The following PTK2B variants were observed in gnomAD, a reference collection of about 807,000 sequenced individuals.
PTK2B encodes the protein protein-tyrosine kinase 2-beta.
A neutral mutation model predicts 142.9 loss-of-function variants in PTK2B; 71 were observed. The observed-to-expected ratio is 0.50, with a 90% CI of 0.41 to 0.61. The LOEUF (loss-of-function observed/expected upper bound fraction) is 0.61. Ranked by LOEUF, PTK2B falls within the 20% of genes least tolerant of loss-of-function variation. The probability of loss-of-function intolerance (pLI) is 0.00; values close to 1 mark genes in which losing one functional copy is unlikely to be tolerated. For synonymous variants in PTK2B, 519 were observed against 503.4 expected (o/e 1.03, Z -0.42); for missense variants, 1,105 against 1,320.4 (o/e 0.84, Z 2.53).
intron 2 of PTK2B, among the ~76,000 whole-genome samples, chr8:27,405,272 C>T (rs1008059621): frequency 6.6e-6 from 1 of 152,076 alleles, no homozygotes; most frequent in African/African-American, 2.4e-5. Flanking sequence ...GTTCCCTGTG[C>T]CTGGAAGAGC....
intron 1 of PTK2B, among the ~76,000 whole-genome samples, chr8:27,385,765 C>T (rs910491806): frequency 1.3e-5 from 2 of 151,752 alleles, no homozygotes; most frequent in Non-Finnish European, 2.9e-5. Flanking sequence ...TGGGGGCGGG[C>T]ACCTATAATC....
intron 1 of PTK2B, among the ~76,000 whole-genome samples, chr8:27,337,734 GT>G (rs1410291044): frequency 6.6e-6 from 1 of 152,216 alleles, no homozygotes. Context: ...ACATTTTGTT[GT>G]GTGGATATGC....
intron 21 of PTK2B, among the ~76,000 whole-genome samples, chr8:27,440,936 C>A (rs527793943): frequency 6.6e-6 from 1 of 152,150 alleles, no homozygotes; most frequent in South Asian, 2.1e-4. Context: ...GCCATGATTC[C>A]CTAGGTCTGG....
intron 24 of PTK2B, among the ~76,000 whole-genome samples, 188 bp from the exon 25 acceptor site, chr8:27,450,561 T>C (rs1811739451): frequency 6.6e-6 from 1 of 152,160 alleles, no homozygotes; most frequent in South Asian, 2.1e-4. Flanking sequence ...CGCAGATACA[T>C]GCTCGGGGCT....
At chr8:27,322,143 A>G (rs575860257), upstream of PTK2B, among the ~76,000 whole-genome samples, 10 of 152,126 alleles carry the variant, frequency 6.6e-5, no homozygotes, top group Non-Finnish European at 1.0e-4. Context: ...GGCATACACC[A>G]CTATGCCCAG....
intron 18 of PTK2B, 181 bp downstream of exon 18, chr8:27,438,061 C>T (rs965825977): frequency 5.0e-6 from 3 of 602,850 alleles, no homozygotes; most frequent in African/African-American, 3.7e-5. Flanking sequence ...TGTAAAGTTG[C>T]AGGCACTGTA....
At chr8:27,454,831 C>G (rs773475401) in intron 30 of PTK2B, among the ~76,000 whole-genome samples, 11 of 152,154 alleles carry the variant, frequency 7.2e-5, no homozygotes, top group Non-Finnish European at 1.0e-4. Flanking sequence ...GTTCAGGTCT[C>G]CAGATGACGG....
chr8:27,421,468 C>T (rs1809749094), intron 4 of PTK2B, among the ~76,000 whole-genome samples: 1 of 152,198 alleles, frequency 6.6e-6, no homozygotes, highest in Non-Finnish European at 1.5e-5. Flanking sequence ...CACCCCTTCC[C>T]ACTCTTTCCC....
At chr8:27,439,589 A>G (rs1009149481) in intron 20 of PTK2B, among the ~76,000 whole-genome samples, 191 bp downstream of exon 20, 6 of 152,048 alleles carry the variant, frequency 3.9e-5, no homozygotes, top group African/African-American at 1.4e-4. Flanking sequence ...GACCCAGGCT[A>G]AGGACTGGCC....
chr8:27,387,841 A>G (rs906484327), intron 1 of PTK2B, among the ~76,000 whole-genome samples: 1 of 149,244 alleles, frequency 6.7e-6, no homozygotes, highest in African/African-American at 2.5e-5. Flanking sequence ...TTAAATCTAC[A>G]TGAAGAATGG....
chr8:27,430,318 G>A (rs1021429603), intron 6 of PTK2B, 46 bp from the exon 7 acceptor site: 14 of 1,612,500 alleles, frequency 8.7e-6, no homozygotes, highest in Non-Finnish European at 1.2e-5. Flanking sequence ...GTCCTGTGGT[G>A]GGGGTGAGGG....
intron 24 of PTK2B, among the ~76,000 whole-genome samples, chr8:27,447,351 C>A (rs1175409032): frequency 1.3e-5 from 2 of 152,230 alleles, no homozygotes; most frequent in African/African-American, 2.4e-5. Context: ...CTGAGAAAGT[C>A]TCTTCCAGGT....
intron 1 of PTK2B, among the ~76,000 whole-genome samples, chr8:27,340,577 G>A (rs1395759729): frequency 6.6e-6 from 1 of 152,256 alleles, no homozygotes; most frequent in Admixed American, 6.5e-5. Context: ...AGATAGGATA[G>A]GATAGGCAGT....
At chr8:27,420,886 C>T in intron 4 of PTK2B, 142 bp downstream of exon 4, 1 of 762,194 alleles carries the variant, frequency 1.3e-6, no homozygotes, top group Non-Finnish European at 2.1e-6. Context: ...TGAAGAAGGT[C>T]CTTGGTCTAT....
intron 2 of PTK2B, 99 bp downstream of exon 2, chr8:27,397,887 C>T (rs1269696248): frequency 2.9e-6 from 4 of 1,375,942 alleles, no homozygotes; most frequent in Middle Eastern, 2.1e-4. Flanking sequence ...CTCCCATATC[C>T]ACCCCTGGGT....
At chr8:27,450,702 G>C (rs1352876812) in intron 24 of PTK2B, 47 bp from the exon 25 acceptor site, 2 of 1,610,158 alleles carry the variant, frequency 1.2e-6, no homozygotes, top group Non-Finnish European at 1.7e-6. Flanking sequence ...CTGAGTCTGA[G>C]AGCAGGGCTC....
At chr8:27,311,329 G>T (rs1802959166), upstream of PTK2B, 7 of 1,371,852 alleles carry the variant, frequency 5.1e-6, no homozygotes, top group South Asian at 7.5e-5. Flanking sequence ...GCTGGGAATC[G>T]CCCAGTCCCT....
chr8:27,391,307 G>A (rs559518195), intron 1 of PTK2B, among the ~76,000 whole-genome samples: 9 of 152,050 alleles, frequency 5.9e-5, no homozygotes, highest in Non-Finnish European at 1.3e-4. Flanking sequence ...ATGTTGATCA[G>A]GCTGATCTCA....
chr8:27,409,130 A>T (rs1165445499), intron 2 of PTK2B, among the ~76,000 whole-genome samples: 1 of 152,024 alleles, frequency 6.6e-6, no homozygotes, highest in African/African-American at 2.4e-5. Flanking sequence ...CACCCGAATG[A>T]CCTCATTTTA....
Sources: gnomAD v4.1 joint callset for allele counts (sites outside exome capture counted in the v4.1 genomes callset) on GRCh38, gnomAD v4.1.1 for gene constraint, MANE v1.5 for transcripts, NCBI Gene and HGNC (gene_info 2026-07-23, HGNC 2026-07-21) for gene names.